PIP5K1B: variants seen among roughly 807,000 people sequenced by gnomAD.
PIP5K1B encodes the protein phosphatidylinositol 4-phosphate 5-kinase type-1 beta.
Under a neutral mutation model 67.0 loss-of-function variants are expected in PIP5K1B, and 42 were observed. That is an observed-to-expected ratio of 0.63 (90% CI 0.49 to 0.81). PIP5K1B has a LOEUF of 0.81. PIP5K1B is among the 30% of genes least tolerant of loss of function. The pLI is 0.00. For synonymous variants in PIP5K1B, 214 were observed against 231.4 expected (o/e 0.92, Z 0.68); for missense variants, 459 against 646.3 (o/e 0.71, Z 3.14).
intron 2 of PIP5K1B, chr9:68,780,678 C>A: frequency 6.2e-7 from 1 of 1,614,212 alleles, no homozygotes; most frequent in Non-Finnish European, 8.5e-7. Context: ...CGGATTGCCT[C>A]CAAGCCCTAT....
At chr9:68,922,275 G>A (rs1297718292) in intron 11 of PIP5K1B, among the ~76,000 whole-genome samples, 3 of 152,068 alleles carry the variant, frequency 2.0e-5, no homozygotes, top group Admixed American at 1.3e-4. Flanking sequence ...GACCAGCCTG[G>A]CCAACATGGT....
intron 2 of PIP5K1B, chr9:68,780,108 G>A: frequency 1.4e-6 from 2 of 1,479,704 alleles, no homozygotes; most frequent in East Asian, 2.5e-5. Context: ...CTGGACTGCG[G>A]GGAATGGGAA....
At chr9:68,840,703 C>CT (rs1821873605) in intron 4 of PIP5K1B, among the ~76,000 whole-genome samples, 3 of 152,196 alleles carry the variant, frequency 2.0e-5, no homozygotes, top group Admixed American at 2.0e-4. Flanking sequence ...TTTGCCTCTT[C>CT]TTTTTTTAAC....
intron 1 of PIP5K1B, among the ~76,000 whole-genome samples, chr9:68,736,236 C>T (rs1417324493): frequency 1.3e-5 from 2 of 152,172 alleles, no homozygotes; most frequent in Non-Finnish European, 1.5e-5. Context: ...ACTCTGGTCA[C>T]TCTGAATGTT....
intron 14 of PIP5K1B, among the ~76,000 whole-genome samples, chr9:68,972,163 A>G (rs1273083194): frequency 6.6e-6 from 1 of 152,162 alleles, no homozygotes; most frequent in African/African-American, 2.4e-5. Flanking sequence ...TAATTTTTGT[A>G]TAAGGTGTAA....
intron 14 of PIP5K1B, among the ~76,000 whole-genome samples, chr9:68,955,616 T>C (rs1395540003): frequency 6.6e-6 from 1 of 152,244 alleles, no homozygotes. Flanking sequence ...CTCTCAGATG[T>C]AACCAGAGCA....
chr9:68,861,497 G>A (rs1189740845), intron 4 of PIP5K1B, among the ~76,000 whole-genome samples: 2 of 152,198 alleles, frequency 1.3e-5, no homozygotes, highest in African/African-American at 4.8e-5. Context: ...CTCTTTGGCA[G>A]GCTGTTCCAG....
At chr9:68,929,552 A>G (rs1263601355) in intron 12 of PIP5K1B, among the ~76,000 whole-genome samples, 1 of 152,050 alleles carries the variant, frequency 6.6e-6, no homozygotes, top group Admixed American at 6.5e-5. Context: ...ATTTCTTGTC[A>G]CTATTCAGTG....
intron 2 of PIP5K1B, among the ~76,000 whole-genome samples, chr9:68,751,649 C>T (rs1003703766): frequency 7.9e-5 from 12 of 152,166 alleles, no homozygotes; most frequent in African/African-American, 2.9e-4. Flanking sequence ...TTTACATAGA[C>T]ATTTGTTAAA....
At chr9:68,910,477 T>A (rs2132481136) in intron 8 of PIP5K1B, among the ~76,000 whole-genome samples, 1 of 152,284 alleles carries the variant, frequency 6.6e-6, no homozygotes, top group Admixed American at 6.5e-5. Context: ...GTGTAGTGTT[T>A]TACATTCTTT....
chr9:68,876,123 A>G (rs948346498), intron 5 of PIP5K1B, among the ~76,000 whole-genome samples: 1 of 152,192 alleles, frequency 6.6e-6, no homozygotes, highest in African/African-American at 2.4e-5. Flanking sequence ...TATATTGAGG[A>G]ATGGAAATCA....
At chr9:68,742,071 G>T in intron 1 of PIP5K1B, among the ~76,000 whole-genome samples, 1 of 152,140 alleles carries the variant, frequency 6.6e-6, no homozygotes, top group East Asian at 1.9e-4. Context: ...CCTTGCATGT[G>T]GTTTCAATGA....
In PIP5K1B at chr9:68,918,098, T is replaced by TA. The variant is rs970385758; in HGVS notation, c.983+339_983+340insA. Among the ~76,000 whole-genome samples the TA allele has an allele frequency of 1.6e-4, 24 of 150,408 alleles. No homozygotes were observed. In the East Asian group the frequency reaches 3.5e-3, roughly 22 times the overall value. On this transcript the variant is annotated intron_variant, in intron 9 of 15. Coordinates refer to ENST00000265382, the MANE Select transcript of PIP5K1B (RefSeq NM_003558.4). ...ATGTTTTATTGTTTATTTATTTATTTTTTTTTTTTGAGACAGAGTCTCACT... is the reference window on the plus strand; with the variant it reads ...ATGTTTTATTGTTTATTTATTTATTTATTTTTTTTTGAGACAGAGTCTCACT...
chr9:68,856,214 A>G (rs1490226938), intron 4 of PIP5K1B, among the ~76,000 whole-genome samples: 1 of 152,164 alleles, frequency 6.6e-6, no homozygotes, highest in African/African-American at 2.4e-5. Context: ...TTACCCGACT[A>G]ATGAACTCAT....
chr9:68,818,661 C>A (rs112871217), intron 3 of PIP5K1B, 116 bp downstream of exon 3: 1 of 151,916 alleles, frequency 6.6e-6, no homozygotes, highest in Non-Finnish European at 1.5e-5. Context: ...AGCTCATAAC[C>A]TTTAACTCTG....
intron 14 of PIP5K1B, among the ~76,000 whole-genome samples, chr9:68,974,087 T>G (rs1190690767): frequency 6.6e-6 from 1 of 152,068 alleles, no homozygotes; most frequent in East Asian, 1.9e-4. Context: ...CCAGGCTGGT[T>G]TCAAACTCCT....
intron 14 of PIP5K1B, among the ~76,000 whole-genome samples, chr9:68,948,715 G>GAAA (rs35259230): frequency 6.9e-6 from 1 of 145,372 alleles, no homozygotes; most frequent in Non-Finnish European, 1.5e-5. Flanking sequence ...CCCACCCCCA[G>GAAA]AAAAAAAAAA....
intron 1 of PIP5K1B, among the ~76,000 whole-genome samples, chr9:68,733,302 G>A (rs149827959): frequency 4.2e-4 from 64 of 152,302 alleles, no homozygotes; most frequent in African/African-American, 1.1e-3. Flanking sequence ...CCACCAAAGC[G>A]TGTGAGCCAG....
intron 4 of PIP5K1B, 22 bp from the exon 5 acceptor site, chr9:68,863,803 AAGACTAATGTTG>A: frequency 1.9e-6 from 3 of 1,605,456 alleles, no homozygotes; most frequent in Non-Finnish European, 2.6e-6. Flanking sequence ...CCTGACTGTT[AAGACTAATGTTG>A]AGACCCTTGT....
Sources: allele counts gnomAD v4.1 joint callset (sites outside exome capture counted in the v4.1 genomes callset), GRCh38; gene constraint gnomAD v4.1.1; transcripts MANE v1.5; gene names NCBI Gene and HGNC (gene_info 2026-07-23, HGNC 2026-07-21).